GRHPR: variants seen among roughly 807,000 people sequenced by gnomAD.
The protein encoded by GRHPR is glyoxylate reductase/hydroxypyruvate reductase.
In GRHPR, 35 loss-of-function variants were observed where a neutral mutation model predicts 36.8. That is an observed-to-expected ratio of 0.95 (90% CI 0.73 to 1.26). The LOEUF is 1.26. Among genes scored for constraint, GRHPR ranks in the 50% most tolerant of loss-of-function variants. The probability of loss-of-function intolerance (pLI) is 0.00; values close to 1 mark genes in which losing one functional copy is unlikely to be tolerated. For synonymous variants in GRHPR, 179 were observed against 181.0 expected, an observed-to-expected ratio of 0.99 and a Z score of 0.09; for missense variants, 380 against 435.0, an observed-to-expected ratio of 0.87 and a Z score of 1.12.
chr9:37,425,840 C>T (rs993974846), intron 2 of GRHPR, 82 bp from the exon 3 acceptor site: 25 of 844,368 alleles, frequency 3.0e-5, no homozygotes, highest in Admixed American at 1.7e-4. Flanking sequence ...CAATAATAAG[C>T]GGTGTCCCCA....
chr9:37,423,576 A>T (rs1588748410), intron 1 of GRHPR, among the ~76,000 whole-genome samples: 1 of 151,780 alleles, frequency 6.6e-6, no homozygotes, highest in Admixed American at 6.6e-5. Flanking sequence ...GACTCAAGAG[A>T]TACTTCCACC....
At chr9:37,437,835 T>C (rs1172172123), downstream of GRHPR, among the ~76,000 whole-genome samples, 1 of 152,140 alleles carries the variant, frequency 6.6e-6, no homozygotes, top group African/African-American at 2.4e-5. Flanking sequence ...AGTTTCCAAC[T>C]TGGGAGGCAG....
At chr9:37,430,165 A>C in intron 6 of GRHPR, 1 of 527,566 alleles carries the variant, frequency 1.9e-6, no homozygotes, top group African/African-American at 1.9e-5. Context: ...TTTCCTTCAT[A>C]AACTGGCAAG....
chr9:37,424,346 C>T (rs966678223), intron 1 of GRHPR, among the ~76,000 whole-genome samples: 7 of 152,274 alleles, frequency 4.6e-5, no homozygotes, highest in Non-Finnish European at 8.8e-5. Context: ...CACCGTGCAT[C>T]ACTGGGACAA....
chr9:37,429,939 G>T, intron 6 of GRHPR, 103 bp downstream of exon 6: 1 of 748,802 alleles, frequency 1.3e-6, no homozygotes, highest in Non-Finnish European at 2.4e-6. Flanking sequence ...GGAGCTCCAG[G>T]CATGTCCAGG....
At chr9:37,426,377 T>C in intron 3 of GRHPR, 161 bp from the exon 4 acceptor site, 5 of 724,052 alleles carry the variant, frequency 6.9e-6, no homozygotes, top group Non-Finnish European at 1.3e-5. Context: ...ATAATCTAAA[T>C]AGGAATGAGG....
rs1823280299 is a variant in GRHPR, at chr9:37,429,951, G to A, written c.598+115G>A. 4.1e-6 allele frequency: 3 copies of A among 723,596 alleles called. No homozygotes were observed. The East Asian group carries it at 7.9e-5, about 19-fold the overall frequency. The allele number at this position is 723,596 out of a possible 1,614,324, so 44.8% of individuals were successfully genotyped here. ...GCAGGAGCTCCAGGCATGTCCAGGG[G>A]CTGCTGTCTGGTAGATGTTTAATCT... On this transcript the variant is annotated intron_variant, in intron 6 of 8. Coordinates refer to ENST00000318158, the MANE Select transcript of GRHPR (RefSeq NM_012203.2).
chr9:37,428,642 G>T lies in GRHPR; in HGVS notation c.493+70G>T, dbSNP rs1196228431. 3 of 1,018,578 alleles carry T rather than the reference G, an allele frequency of 2.9e-6. No individual in the cohort carries two copies. In the African/African-American group the frequency reaches 4.7e-5, roughly 16 times the overall value. 63.1% of individuals were successfully genotyped at this position (1,018,578 alleles called of 1,614,324 possible). On this transcript the variant is annotated intron_variant, in intron 5 of 8. Transcript: ENST00000318158. ...GTGGTTTGCATCCCTGGCACCACGT[G>T]TCTGAAGGCTGAGAAGACCCACATG... is the stretch of plus-strand genomic sequence containing the variant.
chr9:37,432,565 C>T (rs973726482), intron 8 of GRHPR: 38 of 236,088 alleles, frequency 1.6e-4, no homozygotes, highest in Admixed American at 2.5e-4. Context: ...ATAGTCCCAG[C>T]TGTTTGGGAG....
In GRHPR at chr9:37,424,698, G is replaced by A. The variant is rs1275949444; in HGVS notation, c.84-147G>A. On this transcript the variant is annotated intron_variant, in intron 1 of 8. Transcript: ENST00000318158. Reference sequence around the variant, plus strand: ...TCACCTGCTGTCTCGGGACAGTTCTGAGACCACCCCTGCCTGACCCTGCCT... The same window carrying A: ...TCACCTGCTGTCTCGGGACAGTTCTAAGACCACCCCTGCCTGACCCTGCCT... 4.5e-6 allele frequency: 4 copies of A among 889,446 alleles called. No individual in the cohort carries two copies. The South Asian group carries it at 6.5e-5, about 14-fold the overall frequency. The allele number at this position is 889,446 out of a possible 1,614,324, so 55.1% of individuals were successfully genotyped here. A position where few individuals can be genotyped will look rare whatever the true frequency, so the allele number is the denominator to read the frequency against.
intron 8 of GRHPR, among the ~76,000 whole-genome samples, chr9:37,435,661 C>T (rs1013590848): frequency 6.6e-6 from 1 of 151,758 alleles, no homozygotes; most frequent in Non-Finnish European, 1.5e-5. Context: ...GAGGCTAAGA[C>T]AGGAGAATCA....
At chr9:37,431,371 C>T (rs1006794741) in intron 7 of GRHPR, 5 of 309,990 alleles carry the variant, frequency 1.6e-5, no homozygotes, top group African/African-American at 2.2e-5. Flanking sequence ...TGGCTGGCAG[C>T]AGTCACAGCT....
At chr9:37,431,525 G>T (rs1443592795) in intron 7 of GRHPR, 2 of 241,134 alleles carry the variant, frequency 8.3e-6, no homozygotes, top group Non-Finnish European at 8.2e-6. Context: ...TGATGGCTGT[G>T]GTTAGGGGTG....
intron 1 of GRHPR, among the ~76,000 whole-genome samples, chr9:37,424,519 C>A (rs1015793932): frequency 6.6e-6 from 1 of 152,264 alleles, no homozygotes; most frequent in East Asian, 1.9e-4. Context: ...CACACCCTGC[C>A]CCCCACGGGC....
Position 37,428,537 on chromosome 9 carries a change from A to G in GRHPR, c.458A>G (p.Gln153Arg), listed in dbSNP as rs748913563. 5.0e-6 allele frequency: 8 copies of G among 1,612,078 alleles called. No individual in the cohort carries two copies. The highest frequency in any genetic ancestry group is 6.8e-6 in the Non-Finnish European group (8 of 1,179,552). The change falls in exon 5 of 9, where the codon CAG becomes CGG. Residue 153 changes from glutamine to arginine, a missense_variant. By Grantham distance (43) the Gln-to-Arg change is conservative. Coordinates refer to ENST00000318158, the MANE Select transcript of GRHPR (RefSeq NM_012203.2). ...PLWLCGYGLT[Q>R]STVGIIGLGR... ...TGGCTGTGTGGCTATGGACTCACGCAGAGCACTGTCGGCATCATCGGGCTG... is the reference window on the plus strand; with the variant it reads ...TGGCTGTGTGGCTATGGACTCACGCGGAGCACTGTCGGCATCATCGGGCTG...
chr9:37,424,306 G>A (rs1309280456), intron 1 of GRHPR, among the ~76,000 whole-genome samples: 1 of 152,258 alleles, frequency 6.6e-6, no homozygotes, highest in African/African-American at 2.4e-5. Flanking sequence ...CGTGCTGACT[G>A]TACTGAATTC....
At chr9:37,427,530 G>A (rs1308244469) in intron 4 of GRHPR, among the ~76,000 whole-genome samples, 1 of 151,990 alleles carries the variant, frequency 6.6e-6, no homozygotes, top group East Asian at 1.9e-4. Context: ...CAGGGATTTC[G>A]GCCTGTATAT....
chr9:37,425,818 A>T (rs1161714861), intron 2 of GRHPR, 104 bp from the exon 3 acceptor site: 12 of 776,080 alleles, frequency 1.5e-5, no homozygotes, highest in Non-Finnish European at 2.8e-5. Context: ...TCAGCCTCTT[A>T]TTCTAAGAAA....
chr9:37,424,974 A>T lies in GRHPR; in HGVS notation c.213A>T (p.Ala71=). Residue 71 remains alanine (A), a splice_region_variant and synonymous_variant, in exon 2 of 9, where the codon GCA becomes GCT. Transcript: ENST00000318158. ...TGGACAAGAGGATCCTGGATGCTGC[A>T]GGTGCACACTGGGTGGGCAGGGGAC... The part of the protein sequence containing the change: ...DHVDKRILDA[A]GANLKVISTM... 1 of 1,611,826 alleles carries T rather than the reference A, an allele frequency of 6.2e-7. No homozygotes were observed. The highest frequency in any genetic ancestry group is 8.5e-7 in the Non-Finnish European group (1 of 1,179,728).
Sources: allele counts gnomAD v4.1 joint callset (sites outside exome capture counted in the v4.1 genomes callset), GRCh38; gene constraint gnomAD v4.1.1; transcripts MANE v1.5; gene names NCBI Gene and HGNC (gene_info 2026-07-23, HGNC 2026-07-21).